The following FGD3 variants were observed in gnomAD, a reference collection of about 807,000 sequenced individuals.
FGD3 encodes FYVE, RhoGEF and PH domain containing 3.
A neutral mutation model predicts 71.8 loss-of-function variants in FGD3; 45 were observed. The observed-to-expected ratio is 0.63, with a 90% CI of 0.49 to 0.80. The LOEUF (loss-of-function observed/expected upper bound fraction) is 0.80, where lower values mean the gene tolerates loss of function less well. FGD3 is among the 30% of genes least tolerant of loss of function. The pLI, the probability that FGD3 is intolerant of heterozygous loss-of-function variation, is 0.00. For synonymous variants in FGD3, 378 were observed against 392.8 expected (o/e 0.96, Z 0.44); for missense variants, 844 against 951.5 (o/e 0.89, Z 1.49).
At chr9:92,948,642 A>G (rs1367205401) in intron 1 of FGD3, among the ~76,000 whole-genome samples, 1 of 152,258 alleles carries the variant, frequency 6.6e-6, no homozygotes, top group Non-Finnish European at 1.5e-5. Context: ...ACAGGATTTA[A>G]TGTTGTGAAC....
chr9:92,973,637 CTGAGTATTCAACGCAATGCCCCG>C (rs1227710779), intron 1 of FGD3, among the ~76,000 whole-genome samples: 1 of 152,218 alleles, frequency 6.6e-6, no homozygotes, highest in East Asian at 1.9e-4. Flanking sequence ...GCAAGACCCT[CTGAGTATTCAACGCAATGCCCCG>C]TGACCTGTGG....
At position 92,969,507 on chromosome 9, in the gene FGD3, T is replaced by TA. The variant is rs999829104; in HGVS notation, c.-217-5729dup. On this transcript the variant is annotated intron_variant, in intron 1 of 17. Coordinates refer to ENST00000375482, the MANE Select transcript of FGD3 (RefSeq NM_001083536.2). The surrounding 1 kb of genome is among the most constrained non-coding windows in gnomAD (Gnocchi z 4.5). ...ATACGGGCAGTTTAAAAACCACCAC[T>TA]AACGCGTTTGTTGCTCCCCCTACAT... Among the ~76,000 whole-genome samples the TA allele has an allele frequency of 3.9e-5, 6 of 152,216 alleles. No homozygotes were observed. The highest frequency in any genetic ancestry group is 1.4e-4 in the African/African-American group (6 of 41,456).
intron 1 of FGD3, among the ~76,000 whole-genome samples, chr9:92,951,295 G>A (rs1248849179): frequency 6.6e-6 from 1 of 152,176 alleles, no homozygotes; most frequent in African/African-American, 2.4e-5. Context: ...AAATTACTTT[G>A]CTTCTCAGAA....
At chr9:93,024,048 G>T (rs552501547) in intron 14 of FGD3, among the ~76,000 whole-genome samples, 4 of 151,984 alleles carry the variant, frequency 2.6e-5, no homozygotes, top group Admixed American at 1.3e-4. Flanking sequence ...TGATCCGCCC[G>T]CCTCAGCTGG....
At chr9:93,019,074 C>G (rs977168747) in intron 11 of FGD3, among the ~76,000 whole-genome samples, 6 of 152,194 alleles carry the variant, frequency 3.9e-5, no homozygotes, top group Non-Finnish European at 8.8e-5. Context: ...GTCTCGAACT[C>G]TTGACCTCAG....
At chr9:92,953,355 G>GCT (rs1858991654) in intron 1 of FGD3, among the ~76,000 whole-genome samples, 1 of 152,154 alleles carries the variant, frequency 6.6e-6, no homozygotes, top group Non-Finnish European at 1.5e-5. Context: ...TGCCAGAGCC[G>GCT]CTCTGTAATT....
chr9:93,026,576 A>T (rs538615912), intron 14 of FGD3, among the ~76,000 whole-genome samples: 1 of 152,284 alleles, frequency 6.6e-6, no homozygotes, highest in African/African-American at 2.4e-5. Flanking sequence ...TCAGTTCCAT[A>T]GCTGGGAAGA....
At chr9:93,033,016 C>A (rs763907429) in intron 16 of FGD3, 143 bp downstream of exon 16, 4 of 825,992 alleles carry the variant, frequency 4.8e-6, no homozygotes, top group Admixed American at 2.0e-5. Flanking sequence ...CTCAGTGGGG[C>A]CCCCAGGCTG....
At chr9:92,959,765 A>G (rs892234085) in intron 1 of FGD3, among the ~76,000 whole-genome samples, 4 of 150,486 alleles carry the variant, frequency 2.7e-5, no homozygotes, top group African/African-American at 4.9e-5. Flanking sequence ...GTCCTTGCTC[A>G]TTTGTGTGGG....
intron 3 of FGD3, among the ~76,000 whole-genome samples, chr9:92,986,891 A>T (rs1860206590): frequency 6.6e-6 from 1 of 152,218 alleles, no homozygotes; most frequent in African/African-American, 2.4e-5. Flanking sequence ...AACAAGTATA[A>T]ATCTCATGGC....
chr9:92,989,549 G>A (rs1037545665), intron 3 of FGD3, among the ~76,000 whole-genome samples: 1 of 152,216 alleles, frequency 6.6e-6, no homozygotes, highest in Non-Finnish European at 1.5e-5. Flanking sequence ...TGGAATCATA[G>A]AAAAACAGTC....
intron 1 of FGD3, among the ~76,000 whole-genome samples, chr9:92,972,814 T>C (rs893074719): frequency 1.6e-4 from 25 of 152,164 alleles, no homozygotes; most frequent in Admixed American, 1.4e-3. Flanking sequence ...TTGGGTAGTT[T>C]CTGTTCCTGT....
chr9:92,965,992 G>A (rs1859308932), intron 1 of FGD3, among the ~76,000 whole-genome samples: 1 of 152,216 alleles, frequency 6.6e-6, no homozygotes, highest in African/African-American at 2.4e-5. Flanking sequence ...AGGACAGGAG[G>A]AAGAGCAGAG....
chr9:92,976,564 C>G lies in FGD3; in HGVS notation c.308C>G (p.Thr103Ser), dbSNP rs746585071. 14 of 1,612,540 alleles carry G rather than the reference C, an allele frequency of 8.7e-6. No homozygotes were observed. In the African/African-American group the frequency reaches 1.2e-4, roughly 14 times the overall value. Reference sequence around the variant, plus strand: ...GGCTTGGAGGCTGGCCCAAGCCCCACTGTACTGGGGGCGCACGCAGAGATG... The same window carrying G: ...GGCTTGGAGGCTGGCCCAAGCCCCAGTGTACTGGGGGCGCACGCAGAGATG... ...EEGLEAGPSPTVLGAHAEMAL... is the reference protein window; with the variant it reads ...EEGLEAGPSPSVLGAHAEMAL... Residue 103 changes from threonine to serine, a missense_variant, in exon 3 of 18, where the codon ACT becomes AGT. Thr to Ser is a moderately conservative substitution (Grantham distance 58, BLOSUM62 1). Transcript: ENST00000375482.
chr9:92,966,332 G>A (rs1188213602), intron 1 of FGD3, among the ~76,000 whole-genome samples: 1 of 152,190 alleles, frequency 6.6e-6, no homozygotes, highest in Non-Finnish European at 1.5e-5. Flanking sequence ...CTGTGCCCGT[G>A]GTGCCTCCGT....
rs1356325710 is a variant in FGD3, at chr9:93,003,737, G to A, written c.544-264G>A. 6.6e-6 allele frequency among the ~76,000 whole-genome samples: 1 copy of A among 152,220 alleles called. No individual in the cohort carries two copies. Among genetic ancestry groups the A allele is most frequent in the East Asian group, 1.9e-4 (1 of 5,206 alleles). On this transcript the variant is annotated intron_variant, in intron 4 of 17. Transcript: ENST00000375482. This position sits in a 1 kb window ranked among gnomAD's most constrained non-coding sequence, Gnocchi z 4.1. The stretch of plus-strand genomic sequence containing the variant: ...CTTCCATTTCGCATGAGAGGTGGCT[G>A]AGGAAAGATGTCATTCCCTGTCCTC...
chr9:92,982,761 G>A (rs367656922), intron 3 of FGD3, among the ~76,000 whole-genome samples: 4 of 152,072 alleles, frequency 2.6e-5, no homozygotes, highest in South Asian at 2.1e-4. Context: ...GCATTTAGGA[G>A]CACCTGTTAG....
intron 3 of FGD3, among the ~76,000 whole-genome samples, chr9:92,985,135 T>C (rs1339376731): frequency 6.6e-6 from 1 of 152,220 alleles, no homozygotes; most frequent in Non-Finnish European, 1.5e-5. Context: ...CCATGTGAGG[T>C]TTCCTCCCGT....
intron 1 of FGD3, among the ~76,000 whole-genome samples, chr9:92,968,469 G>C (rs1428837651): frequency 6.6e-6 from 1 of 152,032 alleles, no homozygotes; most frequent in Non-Finnish European, 1.5e-5. Flanking sequence ...AGATGATGGA[G>C]ACCCCTCCTC....
Sources: gnomAD v4.1 joint callset for allele counts (sites outside exome capture counted in the v4.1 genomes callset) on GRCh38, gnomAD v4.1.1 for gene constraint, Gnocchi (gnomAD v3.1) non-coding constraint, MANE v1.5 for transcripts, NCBI Gene and HGNC (gene_info 2026-07-23, HGNC 2026-07-21) for gene names.